Variants in NBPF14 observed in about 807,000 individuals in gnomAD.
NBPF14 encodes NBPF member 14.
A neutral mutation model predicts 91.2 loss-of-function variants in NBPF14; 104 were observed. The ratio of observed to expected loss-of-function variants is 1.14; its 90% CI spans 0.97 to 1.34. NBPF14 has a LOEUF of 1.34. Among genes scored for constraint, NBPF14 ranks in the 40% most tolerant of loss-of-function variants. The pLI, the probability that NBPF14 is intolerant of heterozygous loss-of-function variation, is 0.00. For missense variants in NBPF14, 908 were observed against 783.0 expected (o/e 1.16, Z -1.91); for synonymous variants, 294 against 303.8 (o/e 0.97, Z 0.34).
intron 68 of NBPF14, among the ~76,000 whole-genome samples, 185 bp downstream of exon 68, chr1:148,535,268 T>G (rs1327541106): frequency 1.3e-5 from 2 of 150,234 alleles, no homozygotes; most frequent in Non-Finnish European, 2.9e-5. Flanking sequence ...AGTAAGTGAG[T>G]AAATGATAAG....
At chr1:148,566,653 G>C (rs1658480185) in intron 28 of NBPF14, among the ~76,000 whole-genome samples, 1 of 137,010 alleles carries the variant, frequency 7.3e-6, no homozygotes, top group Non-Finnish European at 1.6e-5. Context: ...AGCATACAGG[G>C]ATCATGAAAA....
At chr1:148,566,575 G>A (rs1430690131) in intron 28 of NBPF14, among the ~76,000 whole-genome samples, 3 of 143,490 alleles carry the variant, frequency 2.1e-5, no homozygotes, top group East Asian at 2.2e-4. Flanking sequence ...CGAGCTCAGT[G>A]AATTGTCCAG....
At chr1:148,566,005 A>G (rs1658194371) in intron 29 of NBPF14, 138 bp downstream of exon 29, 1 of 198,902 alleles carries the variant, frequency 5.0e-6, no homozygotes. Context: ...CTAGAGTTTC[A>G]TTCAACCTAC....
At chr1:148,557,711 T>C (rs1656921596) in intron 39 of NBPF14, among the ~76,000 whole-genome samples, 169 bp from the exon 40 acceptor site, 1 of 130,272 alleles carries the variant, frequency 7.7e-6, no homozygotes, top group South Asian at 2.6e-4. Flanking sequence ...ATTCCTTGCT[T>C]TGCATCTCAG....
intron 2 of NBPF14, among the ~76,000 whole-genome samples, chr1:148,595,317 G>C (rs1207259381): frequency 2.0e-5 from 3 of 148,186 alleles, no homozygotes; most frequent in African/African-American, 5.0e-5. Flanking sequence ...CAATAACTGT[G>C]AGTTTAACTC....
chr1:148,591,189 T>C (rs1662407775), intron 5 of NBPF14, among the ~76,000 whole-genome samples: 5 of 145,120 alleles, frequency 3.4e-5, no homozygotes, highest in South Asian at 2.3e-4. Context: ...TTCAGTGCAC[T>C]GAACAGATAG....
At chr1:148,573,160 C>G in intron 20 of NBPF14, 70 bp downstream of exon 20, 1 of 27,472 alleles carries the variant, frequency 3.6e-5, no homozygotes, top group South Asian at 2.2e-4. Context: ...CAAACACACT[C>G]TGGTTTCCCT....
chr1:148,595,229 T>C lies in NBPF14; in HGVS notation c.175+314A>G, dbSNP rs1461707485. ...GATGTTATTTGTCTGCAGGATCTTA[T>C]ATGGTACAGAGAGGATTCTTGAAAA... On this transcript the variant is annotated intron_variant, in intron 2 of 70. Transcript: ENST00000619423. Among the ~76,000 whole-genome samples, 5 of 147,924 alleles carry C rather than the reference T, an allele frequency of 3.4e-5. 1 individual carries two copies. The highest frequency in any genetic ancestry group is 2.2e-4 in the South Asian group (1 of 4,578).
rs1553332420 is a variant in NBPF14, at chr1:148,534,724, T to C, written c.8574A>G (p.Ser2858=). Residue 2858 remains serine (S), a synonymous_variant, in exon 69 of 71, where the codon TCA becomes TCG. Coordinates refer to ENST00000619423, the Ensembl canonical transcript of NBPF14. The stretch of plus-strand genomic sequence containing the variant: ...CCAAGCCAAGGTACTGTTCCTCCAA[T>C]GAGTAAACAGCACTGCTGTAGGGCT... The C allele has an allele frequency of 3.3e-5, 28 of 836,786 alleles. 1 individual carries two copies. In the South Asian group the frequency reaches 3.7e-4, roughly 11 times the overall value. 51.8% of individuals were successfully genotyped at this position (836,786 alleles called of 1,614,324 possible). A position where few individuals can be genotyped will look rare whatever the true frequency, so the allele number is the denominator to read the frequency against.
chr1:148,588,527 TG>T (rs1661940804), intron 7 of NBPF14, among the ~76,000 whole-genome samples: 1 of 151,514 alleles, frequency 6.6e-6, no homozygotes, highest in Non-Finnish European at 1.5e-5. Context: ...TTAGTGGAGA[TG>T]GGGTTTCTCC....
exon 34 of NBPF14, chr1:148,562,265 C>G: frequency 1.2e-5 from 2 of 162,244 alleles, no homozygotes; most frequent in Non-Finnish European, 2.1e-5. Flanking sequence ...GGTCTTCTTC[C>G]TCTTCTTCGT....
chr1:148,595,471 A>C (rs1663168597), intron 2 of NBPF14, 72 bp downstream of exon 2: 1 of 1,215,016 alleles, frequency 8.2e-7, no homozygotes. Context: ...TGATGGAGAG[A>C]GCATTTAGTG....
At chr1:148,535,351 C>A (rs1470311606) in intron 68 of NBPF14, 102 bp downstream of exon 68, 16 of 577,794 alleles carry the variant, frequency 2.8e-5, no homozygotes, top group Non-Finnish European at 4.5e-5. Flanking sequence ...AGTAATTCAA[C>A]CTTCGCTGAA....
intron 34 of NBPF14, among the ~76,000 whole-genome samples, chr1:148,562,025 G>C (rs1657917658): frequency 1.3e-5 from 1 of 77,434 alleles, no homozygotes; most frequent in Non-Finnish European, 2.2e-5. Context: ...TTTGAAGTCT[G>C]GTCCACCTAC....
chr1:148,565,756 T>C (rs1233064340), intron 29 of NBPF14, among the ~76,000 whole-genome samples: 2 of 11,524 alleles, frequency 1.7e-4, no homozygotes, highest in Non-Finnish European at 1.7e-4. Context: ...AACTGCAATA[T>C]TTAGCCCTGT....
intron 10 of NBPF14, 147 bp downstream of exon 10, chr1:148,584,994 C>A (rs1661274530): frequency 2.3e-6 from 2 of 867,006 alleles, no homozygotes; most frequent in African/African-American, 1.6e-5. Flanking sequence ...AGCTACCGCA[C>A]CCTGTGTCTA....
chr1:148,533,801 T>A lies in NBPF14; in HGVS notation c.8723+60A>T, dbSNP rs1488044752. 350 of 766,056 alleles carry A rather than the reference T, an allele frequency of 4.6e-4. 2 individuals are homozygous for A. The highest frequency in any genetic ancestry group is 3.5e-4 in the Middle Eastern group (1 of 2,830). 47.5% of individuals were successfully genotyped at this position (766,056 alleles called of 1,614,324 possible). ...GACATCAAACACACTCTGGTTTCCC[T>A]GAATCTGTTGCCTCCAGGAGTTAAC... On this transcript the variant is annotated intron_variant, in intron 70 of 70. Transcript: ENST00000619423.
intron 13 of NBPF14, among the ~76,000 whole-genome samples, chr1:148,578,837 G>T (rs1366194051): frequency 6.7e-6 from 1 of 149,842 alleles, no homozygotes; most frequent in Non-Finnish European, 1.5e-5. Flanking sequence ...TGTCGTGACA[G>T]TCAGTCCAGG....
intron 8 of NBPF14, among the ~76,000 whole-genome samples, chr1:148,586,986 G>T (rs1296233129): frequency 6.8e-6 from 1 of 146,174 alleles, no homozygotes; most frequent in East Asian, 1.9e-4. Flanking sequence ...TAAGTGGGGT[G>T]GTGATGGCAC....
Sources: gnomAD v4.1 joint callset for allele counts (sites outside exome capture counted in the v4.1 genomes callset) on GRCh38, gnomAD v4.1.1 for gene constraint, MANE v1.5 for transcripts, NCBI Gene and HGNC (gene_info 2026-07-23, HGNC 2026-07-21) for gene names.